Variants in ATP2B2 observed in about 807,000 individuals in gnomAD.
The protein encoded by ATP2B2 is ATPase plasma membrane Ca2+ transporting 2, also known as plasma membrane calcium-transporting ATPase 2.
Under a neutral mutation model 120.0 loss-of-function variants are expected in ATP2B2, and 15 were observed. The ratio of observed to expected loss-of-function variants is 0.12; its 90% CI spans 0.08 to 0.19. The LOEUF (loss-of-function observed/expected upper bound fraction) is 0.19. ATP2B2 is among the 10% of genes least tolerant of loss of function. The pLI, the probability that ATP2B2 is intolerant of heterozygous loss-of-function variation, is 1.00. For synonymous variants in ATP2B2, 694 were observed against 700.3 expected, an observed-to-expected ratio of 0.99 and a Z score of 0.14; for missense variants, 1,045 against 1,719.8, an observed-to-expected ratio of 0.61 and a Z score of 6.94.
rs569096925 is a variant in ATP2B2 at position 10,338,747 on chromosome 3, G to A, written c.3238-389C>T. 284 of 317,322 alleles carry A rather than the reference G, an allele frequency of 8.9e-4. 1 individual carries two copies. The highest frequency in any genetic ancestry group is 5.9e-3 in the African/African-American group (267 of 45,572). The allele number at this position is 317,322 out of a possible 1,614,324, so 19.7% of individuals were successfully genotyped here. ...TCACCGAGCTTTGGTTTTCCTAGCT[G>A]TAAAGTGGGGGCCGCTCTGGGCATG... On this transcript the variant is annotated intron_variant, in intron 21 of 22. Coordinates refer to ENST00000360273, the MANE Select transcript of ATP2B2 (RefSeq NM_001001331.4).
intron 1 of ATP2B2, among the ~76,000 whole-genome samples, chr3:10,471,447 T>C (rs1333309444): frequency 1.3e-5 from 2 of 151,934 alleles, no homozygotes; most frequent in African/African-American, 2.4e-5. Flanking sequence ...GATGTGTGTG[T>C]GTGTGTTCTA....
At chr3:10,565,591 C>A (rs553281687) in intron 2 of ATP2B2, among the ~76,000 whole-genome samples, 3 of 152,138 alleles carry the variant, frequency 2.0e-5, no homozygotes, top group Non-Finnish European at 4.4e-5. Context: ...AAACTCAGAA[C>A]TGATGGTGTG....
intron 2 of ATP2B2, among the ~76,000 whole-genome samples, chr3:10,606,908 CACACAG>C (rs1347256490): frequency 1.8e-4 from 5 of 28,214 alleles, no homozygotes; most frequent in African/African-American, 5.1e-4. Context: ...CACACACACA[CACACAG>C]AGAGAGAGAG....
At chr3:10,493,178 T>C (rs1247430255) in intron 1 of ATP2B2, among the ~76,000 whole-genome samples, 1 of 151,784 alleles carries the variant, frequency 6.6e-6, no homozygotes, top group East Asian at 1.9e-4. Context: ...AACAAGGGAA[T>C]AAATACAGAA....
chr3:10,673,498 C>CAGAG (rs58286719), intron 1 of ATP2B2, among the ~76,000 whole-genome samples: 23 of 146,214 alleles, frequency 1.6e-4, no homozygotes, highest in African/African-American at 3.3e-4. Context: ...GAGAGAAAGA[C>CAGAG]AGAGAGAGAG....
chr3:10,480,946 T>C (rs962499010), intron 1 of ATP2B2, among the ~76,000 whole-genome samples: 1 of 152,184 alleles, frequency 6.6e-6, no homozygotes, highest in African/African-American at 2.4e-5. Context: ...CACCCCTCCC[T>C]CTCTTTATCT....
At chr3:10,585,767 T>C (rs2068496289) in intron 2 of ATP2B2, among the ~76,000 whole-genome samples, 1 of 152,132 alleles carries the variant, frequency 6.6e-6, no homozygotes, top group Non-Finnish European at 1.5e-5. Flanking sequence ...TGCCAAAGGC[T>C]TTCCCTTACC....
intron 3 of ATP2B2, among the ~76,000 whole-genome samples, chr3:10,403,733 C>T (rs2062311404): frequency 1.3e-5 from 2 of 152,326 alleles, no homozygotes; most frequent in South Asian, 4.1e-4. Context: ...GCCTGCTGTG[C>T]ACCCAGCATC....
chr3:10,644,052 C>T (rs922698984), intron 1 of ATP2B2, among the ~76,000 whole-genome samples: 2 of 152,108 alleles, frequency 1.3e-5, no homozygotes, highest in African/African-American at 4.8e-5. Context: ...ATCCAGAATA[C>T]AGAAAAAACT....
chr3:10,554,472 C>T (rs1285873629), intron 2 of ATP2B2, among the ~76,000 whole-genome samples: 1 of 152,078 alleles, frequency 6.6e-6, no homozygotes, highest in Non-Finnish European at 1.5e-5. Flanking sequence ...AATACAAGGA[C>T]CTTTAAAAGT....
At chr3:10,414,753 A>C (rs942183447) in intron 2 of ATP2B2, among the ~76,000 whole-genome samples, 2 of 152,178 alleles carry the variant, frequency 1.3e-5, no homozygotes, top group South Asian at 2.1e-4. Context: ...AGGGGTCGGC[A>C]CAGAGCAGCT....
intron 5 of ATP2B2, among the ~76,000 whole-genome samples, chr3:10,396,747 T>G (rs1236980990): frequency 6.7e-6 from 1 of 148,938 alleles, no homozygotes; most frequent in Admixed American, 6.7e-5. Context: ...CCCAGAGAGG[T>G]GGGAAAGGGG....
At chr3:10,548,170 C>T (rs2067592105) in intron 2 of ATP2B2, among the ~76,000 whole-genome samples, 1 of 152,222 alleles carries the variant, frequency 6.6e-6, no homozygotes, top group African/African-American at 2.4e-5. Flanking sequence ...ACAGAGAGTG[C>T]TAGGAAAAGC....
At chr3:10,378,940 G>C (rs985348933) in intron 9 of ATP2B2, among the ~76,000 whole-genome samples, 4 of 152,232 alleles carry the variant, frequency 2.6e-5, no homozygotes, top group African/African-American at 4.8e-5. Context: ...TTTGGACAGA[G>C]ACTGAGCCAA....
chr3:10,368,067 A>G (rs1049639248), intron 12 of ATP2B2, among the ~76,000 whole-genome samples: 1 of 152,198 alleles, frequency 6.6e-6, no homozygotes, highest in Non-Finnish European at 1.5e-5. Context: ...TCACTAACCC[A>G]TGGGGTGACT....
At chr3:10,467,302 C>A (rs886463378) in intron 1 of ATP2B2, among the ~76,000 whole-genome samples, 1 of 152,188 alleles carries the variant, frequency 6.6e-6, no homozygotes, top group African/African-American at 2.4e-5. Context: ...ACTGGTTATG[C>A]CTTAGCACAG....
At chr3:10,540,110 A>G (rs2067401763) in intron 2 of ATP2B2, among the ~76,000 whole-genome samples, 1 of 152,246 alleles carries the variant, frequency 6.6e-6, no homozygotes, top group Non-Finnish European at 1.5e-5. Context: ...CAACAGACAC[A>G]TGAAAAAATG....
intron 17 of ATP2B2, 52 bp downstream of exon 17, chr3:10,345,979 G>C: frequency 6.5e-7 from 1 of 1,540,732 alleles, no homozygotes; most frequent in Non-Finnish European, 8.8e-7. Flanking sequence ...AGGTTGTGTA[G>C]TCCAATCTCC....
intron 5 of ATP2B2, among the ~76,000 whole-genome samples, chr3:10,389,800 GA>G (rs560817286): frequency 6.6e-6 from 1 of 151,646 alleles, no homozygotes. Context: ...TTAAAAATTG[GA>G]AAAAAAAGCC....
Sources: gnomAD v4.1 joint callset for allele counts (sites outside exome capture counted in the v4.1 genomes callset) on GRCh38, gnomAD v4.1.1 for gene constraint, MANE v1.5 for transcripts, NCBI Gene and HGNC (gene_info 2026-07-23, HGNC 2026-07-21) for gene names.